NBEA: variants seen among roughly 807,000 people sequenced by gnomAD.
NBEA encodes lysosomal-trafficking regulator 2.
NBEA carries 44 observed loss-of-function variants against 343.4 expected under a neutral mutation model. The observed-to-expected ratio is 0.13, with a 90% confidence interval of 0.10 to 0.16. The LOEUF (loss-of-function observed/expected upper bound fraction) is 0.16, where lower values mean the gene tolerates loss of function less well. Ranked by LOEUF, NBEA falls within the 10% of genes least tolerant of loss-of-function variation. The pLI, the probability that NBEA is intolerant of heterozygous loss-of-function variation, is 1.00. For missense variants in NBEA, 2,555 were observed against 3,631.3 expected (o/e 0.70, Z 7.62); for synonymous variants, 1,175 against 1,238.7 (o/e 0.95, Z 1.08).
chr13:35,275,779 G>A (rs2034539816), intron 34 of NBEA, among the ~76,000 whole-genome samples: 1 of 152,130 alleles, frequency 6.6e-6, no homozygotes, highest in Admixed American at 6.6e-5. Context: ...GGCCATCAGA[G>A]ATATGCAAAT....
intron 41 of NBEA, among the ~76,000 whole-genome samples, chr13:35,496,350 C>T (rs1380391349): frequency 6.6e-6 from 1 of 151,766 alleles, no homozygotes; most frequent in Non-Finnish European, 1.5e-5. Flanking sequence ...AAAAGCCAAA[C>T]AAGGCCAGGT....
At chr13:35,416,743 T>C (rs2043936845) in intron 38 of NBEA, among the ~76,000 whole-genome samples, 1 of 152,208 alleles carries the variant, frequency 6.6e-6, no homozygotes, top group Non-Finnish European at 1.5e-5. Flanking sequence ...AGGATGATGT[T>C]GGCCTCATAA....
chr13:35,484,093 G>A (rs17816498), intron 41 of NBEA, among the ~76,000 whole-genome samples: 4,378 of 151,838 alleles, frequency 0.029, 116 homozygotes, highest in Non-Finnish European at 0.046. Flanking sequence ...AAATAACACG[G>A]GAAATTCCAA....
chr13:35,425,939 A>C (rs558738981), intron 38 of NBEA, among the ~76,000 whole-genome samples: 1 of 152,062 alleles, frequency 6.6e-6, no homozygotes, highest in Non-Finnish European at 1.5e-5. Flanking sequence ...GTTGGTTTAA[A>C]GTCTGTTTTA....
At chr13:35,472,001 C>T (rs2075672190) in intron 40 of NBEA, among the ~76,000 whole-genome samples, 1 of 152,118 alleles carries the variant, frequency 6.6e-6, no homozygotes, top group South Asian at 2.1e-4. Flanking sequence ...GGAACGGCTT[C>T]GCGCGATGGC....
At chr13:35,087,941 T>G (rs945523133) in intron 10 of NBEA, among the ~76,000 whole-genome samples, 5 of 151,870 alleles carry the variant, frequency 3.3e-5, no homozygotes, top group African/African-American at 1.2e-4. Flanking sequence ...TTTCTATAGC[T>G]GGAGTTTGGA....
At chr13:35,433,412 T>A (rs1456559946) in intron 39 of NBEA, among the ~76,000 whole-genome samples, 1 of 152,196 alleles carries the variant, frequency 6.6e-6, no homozygotes, top group Admixed American at 6.5e-5. Flanking sequence ...GTGAGCCATC[T>A]GTTTTTAAAA....
chr13:35,405,516 T>C (rs1295892027), intron 38 of NBEA, among the ~76,000 whole-genome samples: 1 of 152,186 alleles, frequency 6.6e-6, no homozygotes, highest in Non-Finnish European at 1.5e-5. Flanking sequence ...ATTGCAGTAG[T>C]AAAAATCATG....
At chr13:35,112,393 A>G (rs1173985187) in intron 13 of NBEA, among the ~76,000 whole-genome samples, 1 of 152,108 alleles carries the variant, frequency 6.6e-6, no homozygotes, top group African/African-American at 2.4e-5. Context: ...AGATAAATAG[A>G]CATATTCATA....
chr13:35,299,430 C>A (rs1388972120), intron 35 of NBEA, among the ~76,000 whole-genome samples: 1 of 152,082 alleles, frequency 6.6e-6, no homozygotes, highest in Non-Finnish European at 1.5e-5. Context: ...CATCTAACTA[C>A]CATAAAGCGA....
chr13:35,450,546 T>G (rs1264173572), intron 39 of NBEA, among the ~76,000 whole-genome samples: 2 of 152,106 alleles, frequency 1.3e-5, no homozygotes, highest in Non-Finnish European at 2.9e-5. Flanking sequence ...CTGTTGGAAG[T>G]TCTATGGTCT....
chr13:34,954,638 C>T (rs1288021967), intron 1 of NBEA, among the ~76,000 whole-genome samples: 2 of 152,034 alleles, frequency 1.3e-5, no homozygotes, highest in Non-Finnish European at 2.9e-5. Context: ...GTTTCAGGAC[C>T]CCTCAGGATA....
intron 1 of NBEA, among the ~76,000 whole-genome samples, chr13:34,970,940 A>G (rs112707866): frequency 0.016 from 2,410 of 152,284 alleles, 67 homozygotes; most frequent in African/African-American, 0.049. Context: ...TGCGAATAGC[A>G]TTGAATCTGT....
chr13:35,022,449 G>A (rs921624709), intron 1 of NBEA, among the ~76,000 whole-genome samples: 1 of 151,998 alleles, frequency 6.6e-6, no homozygotes, highest in Non-Finnish European at 1.5e-5. Flanking sequence ...CAGTGTAAAA[G>A]AAATAGGAAG....
intron 55 of NBEA, among the ~76,000 whole-genome samples, chr13:35,659,367 C>A (rs1359781043): frequency 2.0e-5 from 3 of 152,174 alleles, no homozygotes; most frequent in Non-Finnish European, 4.4e-5. Flanking sequence ...TCACTAAAAT[C>A]TTCTCAAGAT....
chr13:35,552,450 A>G (rs1021097732), intron 43 of NBEA, among the ~76,000 whole-genome samples: 1 of 152,196 alleles, frequency 6.6e-6, no homozygotes, highest in Non-Finnish European at 1.5e-5. Flanking sequence ...TGAAGCACTT[A>G]TATAAAATAC....
At chr13:35,279,444 C>G (rs900820209) in intron 34 of NBEA, among the ~76,000 whole-genome samples, 2 of 152,078 alleles carry the variant, frequency 1.3e-5, no homozygotes, top group African/African-American at 4.8e-5. Flanking sequence ...TAGATTCAGA[C>G]TAAAATAATT....
chr13:35,567,294 A>G (rs916250884), intron 45 of NBEA, among the ~76,000 whole-genome samples: 3 of 152,204 alleles, frequency 2.0e-5, no homozygotes, highest in Non-Finnish European at 4.4e-5. Context: ...AGTCAAGGTT[A>G]AAAACCTAAA....
chr13:34,973,981 C>T (rs575387420), intron 1 of NBEA, among the ~76,000 whole-genome samples: 1 of 152,284 alleles, frequency 6.6e-6, no homozygotes, highest in East Asian at 1.9e-4. Flanking sequence ...CTCTTTGTGT[C>T]AGACTGAAGG....
Sources: gnomAD v4.1 joint callset for allele counts (sites outside exome capture counted in the v4.1 genomes callset) on GRCh38, gnomAD v4.1.1 for gene constraint, MANE v1.5 for transcripts, NCBI Gene and HGNC (gene_info 2026-07-23, HGNC 2026-07-21) for gene names.